PCYT1B: variants seen among roughly 807,000 people sequenced by gnomAD.
The protein encoded by PCYT1B is phosphate cytidylyltransferase 1B, choline.
PCYT1B carries 10 observed loss-of-function variants against 26.4 expected under a neutral mutation model. The observed-to-expected ratio is 0.38, with a 90% confidence interval of 0.23 to 0.64. The LOEUF is 0.64. PCYT1B is among the 30% of genes least tolerant of loss of function. The pLI, the probability that PCYT1B is intolerant of heterozygous loss-of-function variation, is 0.56. For synonymous variants in PCYT1B, 131 were observed against 108.4 expected, an observed-to-expected ratio of 1.21 and a Z score of -1.29; for missense variants, 161 against 292.7, an observed-to-expected ratio of 0.55 and a Z score of 3.28.
chrX:24,586,651 A>C (rs1924379819), intron 5 of PCYT1B, among the ~76,000 whole-genome samples: 1 of 112,424 alleles, frequency 8.9e-6, no homozygotes, highest in Non-Finnish European at 1.9e-5. Flanking sequence ...GAAGGTATGC[A>C]TGGGTGTACC....
At chrX:24,656,859 A>G (rs1602212364) in intron 1 of PCYT1B, among the ~76,000 whole-genome samples, 1 of 111,359 alleles carries the variant, frequency 9.0e-6, no homozygotes, top group African/African-American at 3.3e-5. Context: ...GCACTCAAGG[A>G]CACCAGTCAT....
At chrX:24,613,950 C>CAAAAAAAAAAAA (rs200062439) in intron 2 of PCYT1B, among the ~76,000 whole-genome samples, 24 of 77,193 alleles carry the variant, frequency 3.1e-4, no homozygotes, top group South Asian at 7.4e-4. Flanking sequence ...AACAACCTGT[C>CAAAAAAAAAAAA]AAAAAAAAAA....
chrX:24,598,648 G>T (rs1924864446), intron 3 of PCYT1B, among the ~76,000 whole-genome samples: 2 of 111,352 alleles, frequency 1.8e-5, no homozygotes, highest in Admixed American at 9.6e-5. Context: ...TTGATTTATT[G>T]TCTTGTCTTG....
intron 1 of PCYT1B, among the ~76,000 whole-genome samples, chrX:24,620,325 C>G (rs1382312848): frequency 8.9e-6 from 1 of 111,842 alleles, no homozygotes; most frequent in African/African-American, 3.2e-5. Flanking sequence ...GAACCGATCC[C>G]TCCCCTGTCC....
chrX:24,572,080 A>G (rs1279859076), intron 7 of PCYT1B, among the ~76,000 whole-genome samples: 1 of 111,787 alleles, frequency 8.9e-6, no homozygotes, highest in African/African-American at 3.3e-5. Flanking sequence ...ACAAGAGCTC[A>G]TGCCTTCCCT....
rs1457701606 is a variant in PCYT1B at position 24,609,240 on chromosome X, G to C, written c.218-1379C>G. ...GGCTGGAGTGCAGTGGCGCAATCTC[G>C]GCTCACTGCAACCTCCACCTCCCGG... is the stretch of plus-strand genomic sequence containing the variant. On this transcript the variant is annotated intron_variant, in intron 2 of 7. Coordinates refer to ENST00000379144, the MANE Select transcript of PCYT1B (RefSeq NM_004845.5). Among the ~76,000 whole-genome samples the C allele has an allele frequency of 1.8e-5, 2 of 109,657 alleles. 1 individual carries two copies. Among genetic ancestry groups the C allele is most frequent in the Admixed American group, 2.0e-4 (2 of 10,245 alleles).
chrX:24,617,156 A>G (rs981468483), intron 2 of PCYT1B, among the ~76,000 whole-genome samples: 9 of 112,005 alleles, frequency 8.0e-5, no homozygotes, highest in African/African-American at 2.9e-4. Flanking sequence ...ACTGCCACTT[A>G]GTAGTGAATG....
intron 3 of PCYT1B, among the ~76,000 whole-genome samples, chrX:24,595,115 T>C (rs1345499610): frequency 3.7e-5 from 4 of 109,325 alleles, no homozygotes; most frequent in Admixed American, 1.0e-4. Flanking sequence ...GTCTTTTCCC[T>C]GCCCCCTACT....
intron 2 of PCYT1B, among the ~76,000 whole-genome samples, chrX:24,615,599 G>C (rs1262033032): frequency 3.6e-5 from 4 of 109,952 alleles, no homozygotes; most frequent in Non-Finnish European, 7.6e-5. Context: ...CAAGTAGCTG[G>C]GACTACAGAC....
intron 7 of PCYT1B, among the ~76,000 whole-genome samples, chrX:24,563,252 G>A (rs1923497771): frequency 8.9e-6 from 1 of 111,946 alleles, no homozygotes; most frequent in African/African-American, 3.3e-5. Context: ...AAAAGAGGGC[G>A]AGAGGATAGC....
chrX:24,637,487 A>ATATAT (rs1218518627), intron 1 of PCYT1B, among the ~76,000 whole-genome samples: 1 of 56,165 alleles, frequency 1.8e-5, no homozygotes, highest in African/African-American at 1.5e-4. Flanking sequence ...ACTAAAAAAA[A>ATATAT]AAAAATATAT....
intron 7 of PCYT1B, among the ~76,000 whole-genome samples, chrX:24,563,490 A>T (rs1923507219): frequency 1.8e-5 from 2 of 111,805 alleles, no homozygotes; most frequent in South Asian, 7.6e-4. Flanking sequence ...GGGCTGATAG[A>T]TGGGGAGGAG....
chrX:24,565,169 C>T (rs1923582044), intron 7 of PCYT1B, among the ~76,000 whole-genome samples: 1 of 110,555 alleles, frequency 9.0e-6, no homozygotes, highest in African/African-American at 3.3e-5. Context: ...GACGCTGCAT[C>T]CCACCAACTC....
chrX:24,608,847 T>C lies in PCYT1B; in HGVS notation c.218-986A>G, dbSNP rs139588077. Among the ~76,000 whole-genome samples, 254 of 111,984 alleles carry C rather than the reference T, an allele frequency of 2.3e-3. 10 individuals are homozygous for C. In the East Asian group the frequency reaches 0.066, roughly 29 times the overall value. ...TCACAAAATTATTCTTTTTAACTGG[T>C]TGGAGGAAGGAAGTTGCAGCTCTGT... On this transcript the variant is annotated intron_variant, in intron 2 of 7. Transcript: ENST00000379144.
At chrX:24,574,259 C>T (rs1404365010) in intron 7 of PCYT1B, among the ~76,000 whole-genome samples, 3 of 111,341 alleles carry the variant, frequency 2.7e-5, no homozygotes, top group Non-Finnish European at 3.8e-5. Context: ...ATACAACCCT[C>T]GTCAACCCTT....
intron 1 of PCYT1B, among the ~76,000 whole-genome samples, chrX:24,641,125 GT>G (rs1379818269): frequency 1.8e-5 from 2 of 111,102 alleles, no homozygotes; most frequent in African/African-American, 6.6e-5. Flanking sequence ...GTAGAGATGG[GT>G]TTTCACCAGG....
At position 24,560,447 on chromosome X, in the gene PCYT1B, T is replaced by G. The variant is rs1343605913; in HGVS notation, c.*1846A>C. 2 of 111,853 alleles carry G rather than the reference T, an allele frequency of 1.8e-5. No homozygotes were observed. The highest frequency in any genetic ancestry group is 3.8e-5 in the Non-Finnish European group (2 of 53,179). 9.2% of individuals were successfully genotyped at this position (111,853 alleles called of 1,213,427 possible). ...CTTGTCCCTCTCTGAAGAGCAATAT[T>G]CTGGGTGGCCCTTGACTGCAAAAAG... On this transcript the variant is annotated 3_prime_UTR_variant, in exon 8 of 8. Coordinates refer to ENST00000379144, the MANE Select transcript of PCYT1B (RefSeq NM_004845.5).
chrX:24,656,232 G>C (rs868779598), intron 1 of PCYT1B, among the ~76,000 whole-genome samples: 5 of 100,568 alleles, frequency 5.0e-5, no homozygotes, highest in Non-Finnish European at 1.0e-4. Context: ...GGGGTCGCGG[G>C]GGGGGGTGGT....
intron 1 of PCYT1B, among the ~76,000 whole-genome samples, chrX:24,633,065 C>G (rs752638901): frequency 1.8e-5 from 2 of 108,129 alleles, no homozygotes; most frequent in African/African-American, 3.4e-5. Flanking sequence ...CAAAAATGAG[C>G]TGGGTGTGGT....
Sources: allele counts gnomAD v4.1 joint callset (sites outside exome capture counted in the v4.1 genomes callset), GRCh38; gene constraint gnomAD v4.1.1; transcripts MANE v1.5; gene names NCBI Gene and HGNC (gene_info 2026-07-23, HGNC 2026-07-21).